RRAGD: variants seen among roughly 807,000 people sequenced by gnomAD.
RRAGD encodes the protein Ras related GTP binding D.
Under a neutral mutation model 35.5 loss-of-function variants are expected in RRAGD, and 12 were observed. That is an observed-to-expected ratio of 0.34 (90% CI 0.22 to 0.55). RRAGD has a LOEUF of 0.55. RRAGD is among the 20% of genes least tolerant of loss of function. RRAGD has a pLI of 0.91. For missense variants in RRAGD, 324 were observed against 490.1 expected, an observed-to-expected ratio of 0.66 and a Z score of 3.20; for synonymous variants, 155 against 178.9, an observed-to-expected ratio of 0.87 and a Z score of 1.07.
In RRAGD at chr6:89,377,587, A is replaced by C. The variant is rs1768969700; in HGVS notation, c.902+84T>G. ...ATTTAAGACAAAAATGTTAAAGTTA[A>C]GTAAGTAAATGTAAATGCAAAATGC... is the stretch of plus-strand genomic sequence containing the variant. On this transcript the variant is annotated intron_variant, in intron 5 of 6. Coordinates refer to ENST00000369415, the MANE Select transcript of RRAGD (RefSeq NM_021244.5). 16 of 1,232,518 alleles carry C rather than the reference A, an allele frequency of 1.3e-5. No individual in the cohort carries two copies. The South Asian group carries it at 2.6e-4, about 20-fold the overall frequency. The allele number at this position is 1,232,518 out of a possible 1,614,324, so 76.3% of individuals were successfully genotyped here. A position where few individuals can be genotyped will look rare whatever the true frequency, so the allele number is the denominator to read the frequency against.
Position 89,412,087 on chromosome 6 carries a change from G to C in RRAGD, c.-94C>G, listed in dbSNP as rs1769716541. On this transcript the variant is annotated 5_prime_UTR_variant, in exon 1 of 7. Transcript: ENST00000369415. This position sits in a 1 kb window ranked among gnomAD's most constrained non-coding sequence, Gnocchi z 4.2. ...CCGCCCGCAGCCTATTTCTGAAGCG[G>C]AGGTTTGTCTAGAGCTCAGCGGGGC... 7.5e-7 allele frequency: 1 copy of C among 1,327,344 alleles called. No individual in the cohort carries two copies. Among genetic ancestry groups the C allele is most frequent in the Non-Finnish European group, 1.0e-6 (1 of 1,004,474 alleles). 82.2% of individuals were successfully genotyped at this position (1,327,344 alleles called of 1,614,324 possible). A position where few individuals can be genotyped will look rare whatever the true frequency, so the allele number is the denominator to read the frequency against.
intron 2 of RRAGD, among the ~76,000 whole-genome samples, chr6:89,381,728 G>C (rs74898979): frequency 0.052 from 7,991 of 152,268 alleles, 421 homozygotes; most frequent in East Asian, 0.29. Flanking sequence ...CAGTGCATTA[G>C]TTCCTTTTAA....
intron 1 of RRAGD, among the ~76,000 whole-genome samples, chr6:89,388,908 C>G (rs139324243): frequency 7.1e-4 from 108 of 152,284 alleles, no homozygotes; most frequent in African/African-American, 2.5e-3. Flanking sequence ...AACCTAAATC[C>G]CTCACATGTG....
chr6:89,412,024 G>C lies in RRAGD; in HGVS notation c.-31C>G, dbSNP rs556981354. On this transcript the variant is annotated 5_prime_UTR_variant, in exon 1 of 7. Coordinates refer to ENST00000369415, the MANE Select transcript of RRAGD (RefSeq NM_021244.5). This position sits in a 1 kb window ranked among gnomAD's most constrained non-coding sequence, Gnocchi z 4.2. The stretch of plus-strand genomic sequence containing the variant: ...CCACCGGCCGGCCGGCCCGGGGACG[G>C]CGGGGGTCCCGGGGTGGGGGCCAAG... The C allele has an allele frequency of 2.2e-4, 340 of 1,518,966 alleles. 2 individuals are homozygous for C. The South Asian group carries it at 3.3e-3, about 15-fold the overall frequency. 94.1% of individuals were successfully genotyped at this position (1,518,966 alleles called of 1,614,324 possible).
At chr6:89,408,904 C>T (rs539045909) in intron 1 of RRAGD, among the ~76,000 whole-genome samples, 56 of 152,272 alleles carry the variant, frequency 3.7e-4, no homozygotes, top group African/African-American at 1.3e-3. Context: ...ATTCCCTCCT[C>T]TCTGGTAGTT....
intron 2 of RRAGD, 51 bp downstream of exon 2, chr6:89,387,244 G>C: frequency 6.4e-7 from 1 of 1,554,678 alleles, no homozygotes; most frequent in Non-Finnish European, 8.8e-7. Flanking sequence ...ACATGGGGTG[G>C]GGTGGAGGGG....
At chr6:89,384,286 T>G (rs1364639359) in intron 2 of RRAGD, among the ~76,000 whole-genome samples, 2 of 152,228 alleles carry the variant, frequency 1.3e-5, no homozygotes, top group African/African-American at 4.8e-5. Context: ...TAATTATTCC[T>G]TATTTTAAAT....
At chr6:89,384,125 G>A (rs1244632906) in intron 2 of RRAGD, among the ~76,000 whole-genome samples, 1 of 151,410 alleles carries the variant, frequency 6.6e-6, no homozygotes, top group African/African-American at 2.4e-5. Flanking sequence ...AGAAAGAAAG[G>A]AAAGGACACT....
intron 1 of RRAGD, among the ~76,000 whole-genome samples, chr6:89,401,008 C>T (rs1467790480): frequency 6.6e-6 from 1 of 152,140 alleles, no homozygotes; most frequent in Non-Finnish European, 1.5e-5. Flanking sequence ...CGATTCATCC[C>T]CCAGCAATCA....
intron 6 of RRAGD, among the ~76,000 whole-genome samples, chr6:89,370,592 G>A (rs1309800769): frequency 6.6e-6 from 1 of 152,028 alleles, no homozygotes; most frequent in Non-Finnish European, 1.5e-5. Context: ...TTTTCCTTAG[G>A]AAACAACCAA....
intron 5 of RRAGD, among the ~76,000 whole-genome samples, chr6:89,374,730 C>CAAA (rs879770049): frequency 1.5e-5 from 2 of 130,954 alleles, no homozygotes; most frequent in Admixed American, 7.8e-5. Context: ...AACTCCATCT[C>CAAA]AAAAAAAAAA....
chr6:89,373,418 C>T (rs1768884477), intron 5 of RRAGD, among the ~76,000 whole-genome samples: 1 of 152,074 alleles, frequency 6.6e-6, no homozygotes, highest in African/African-American at 2.4e-5. Context: ...TCAAGACCAG[C>T]CTGGCCAATA....
chr6:89,397,973 C>G (rs1170861330), intron 1 of RRAGD, among the ~76,000 whole-genome samples: 3 of 152,078 alleles, frequency 2.0e-5, no homozygotes, highest in Admixed American at 6.5e-5. Flanking sequence ...ATGGCGAAAC[C>G]CTGTCTCTAC....
intron 6 of RRAGD, among the ~76,000 whole-genome samples, chr6:89,371,992 C>T (rs1431898206): frequency 6.6e-6 from 1 of 152,164 alleles, no homozygotes; most frequent in Non-Finnish European, 1.5e-5. Context: ...CACCTGTTGT[C>T]CCCTCCTTTA....
intron 5 of RRAGD, among the ~76,000 whole-genome samples, chr6:89,374,805 C>T (rs1768910426): frequency 6.6e-6 from 1 of 151,744 alleles, no homozygotes; most frequent in African/African-American, 2.4e-5. Flanking sequence ...TATAACCTAC[C>T]AAAACATTAA....
chr6:89,387,196 A>G, intron 2 of RRAGD, 99 bp downstream of exon 2: 1 of 1,179,588 alleles, frequency 8.5e-7, no homozygotes, highest in Non-Finnish European at 1.2e-6. Flanking sequence ...CTTGTTTGGT[A>G]GAAAGGCCTA....
chr6:89,369,510 A>T (rs560288498), intron 6 of RRAGD, among the ~76,000 whole-genome samples: 2 of 152,268 alleles, frequency 1.3e-5, no homozygotes, highest in Admixed American at 6.5e-5. Flanking sequence ...GTGGGAGTGC[A>T]AGGCTCAATC....
intron 5 of RRAGD, among the ~76,000 whole-genome samples, chr6:89,374,501 G>A (rs1332074825): frequency 1.3e-5 from 2 of 152,158 alleles, no homozygotes; most frequent in South Asian, 2.1e-4. Context: ...TTGGGAGGCC[G>A]AGGTGGATCG....
Position 89,368,221 on chromosome 6 carries a change from C to G in RRAGD, c.1052-14G>C, listed in dbSNP as rs777331885. On this transcript the variant is annotated splice_polypyrimidine_tract_variant and intron_variant, in intron 6 of 6. Transcript: ENST00000369415. ...AGTCAATTAGCCCTGGAGAAGAGAA[C>G]AAAAATATTTATAAATGTCACGTAG... 6.2e-6 allele frequency: 10 copies of G among 1,603,816 alleles called. No individual in the cohort carries two copies. Among genetic ancestry groups the G allele is most frequent in the Non-Finnish European group, 8.5e-6 (10 of 1,176,058 alleles).
Sources: allele counts gnomAD v4.1 joint callset (sites outside exome capture counted in the v4.1 genomes callset), GRCh38; gene constraint gnomAD v4.1.1; non-coding constraint Gnocchi (gnomAD v3.1); transcripts MANE v1.5; gene names NCBI Gene and HGNC (gene_info 2026-07-23, HGNC 2026-07-21).